The following SLC16A10 variants were observed in gnomAD, a reference collection of about 807,000 sequenced individuals.
SLC16A10 encodes the protein monocarboxylate transporter 10.
A neutral mutation model predicts 40.0 loss-of-function variants in SLC16A10; 27 were observed. The ratio of observed to expected loss-of-function variants is 0.67; its 90% CI spans 0.50 to 0.93. The LOEUF is 0.93. SLC16A10 is among the 40% of genes least tolerant of loss of function. SLC16A10 has a pLI of 0.00. For synonymous variants in SLC16A10, 213 were observed against 249.8 expected (o/e 0.85, Z 1.39); for missense variants, 529 against 658.2 (o/e 0.80, Z 2.15).
chr6:111,170,880 G>A (rs776445317), intron 1 of SLC16A10, among the ~76,000 whole-genome samples: 2 of 152,138 alleles, frequency 1.3e-5, no homozygotes, highest in African/African-American at 2.4e-5. Flanking sequence ...ACTCATGCCT[G>A]TAATGCCAGC....
intron 1 of SLC16A10, among the ~76,000 whole-genome samples, chr6:111,100,069 G>A (rs901181429): frequency 6.6e-6 from 1 of 151,230 alleles, no homozygotes; most frequent in African/African-American, 2.4e-5. Flanking sequence ...AGACAAAGCA[G>A]GGGAAGGAAA....
At chr6:111,095,228 T>C (rs1006548556) in intron 1 of SLC16A10, among the ~76,000 whole-genome samples, 11 of 152,194 alleles carry the variant, frequency 7.2e-5, no homozygotes, top group African/African-American at 2.7e-4. Flanking sequence ...GTCTTGCTGC[T>C]TTTTGCCTCT....
intron 1 of SLC16A10, among the ~76,000 whole-genome samples, chr6:111,143,470 A>G (rs1772020902): frequency 6.6e-6 from 1 of 152,098 alleles, no homozygotes; most frequent in Admixed American, 6.5e-5. Context: ...CTGTGGCCTC[A>G]AGATCCTGGG....
chr6:111,160,411 G>C (rs1406296950), intron 1 of SLC16A10, among the ~76,000 whole-genome samples: 2 of 152,118 alleles, frequency 1.3e-5, no homozygotes, highest in African/African-American at 4.8e-5. Flanking sequence ...GCTAATTTTT[G>C]TATTTTTTTA....
At chr6:111,160,681 T>C (rs1010767815) in intron 1 of SLC16A10, among the ~76,000 whole-genome samples, 7 of 152,158 alleles carry the variant, frequency 4.6e-5, no homozygotes, top group Non-Finnish European at 8.8e-5. Context: ...CAATTTGAAG[T>C]GTAAGGATGG....
At chr6:111,097,200 C>T (rs1771089120) in intron 1 of SLC16A10, among the ~76,000 whole-genome samples, 2 of 152,172 alleles carry the variant, frequency 1.3e-5, no homozygotes, top group Non-Finnish European at 2.9e-5. Context: ...TTTTGTTGCA[C>T]ACATCCAAGT....
intron 1 of SLC16A10, among the ~76,000 whole-genome samples, chr6:111,155,535 A>G (rs1247182095): frequency 2.0e-5 from 3 of 152,124 alleles, no homozygotes; most frequent in Non-Finnish European, 2.9e-5. Flanking sequence ...CGAAGAAGTG[A>G]TTTCCTCTCA....
At chr6:111,091,037 T>C (rs1462723042) in intron 1 of SLC16A10, among the ~76,000 whole-genome samples, 1 of 152,220 alleles carries the variant, frequency 6.6e-6, no homozygotes, top group African/African-American at 2.4e-5. Context: ...CTAAGCACTT[T>C]AGATGCGTTC....
chr6:111,130,792 T>A (rs182589990), intron 1 of SLC16A10, among the ~76,000 whole-genome samples: 87 of 152,346 alleles, frequency 5.7e-4, no homozygotes, highest in Non-Finnish European at 7.2e-4. Flanking sequence ...TAATGTTTTT[T>A]AAATAGACAT....
intron 3 of SLC16A10, among the ~76,000 whole-genome samples, chr6:111,195,261 A>G (rs890670924): frequency 1.3e-5 from 2 of 152,184 alleles, no homozygotes; most frequent in East Asian, 1.9e-4. Context: ...CATTACACCA[A>G]ATGAAATACT....
chr6:111,171,956 T>C (rs1772594137), intron 1 of SLC16A10, among the ~76,000 whole-genome samples: 1 of 152,128 alleles, frequency 6.6e-6, no homozygotes, highest in African/African-American at 2.4e-5. Flanking sequence ...TAGAGTAGTA[T>C]ACTAGGAGAC....
chr6:111,090,610 C>T (rs1770957767), intron 1 of SLC16A10, among the ~76,000 whole-genome samples: 1 of 152,144 alleles, frequency 6.6e-6, no homozygotes. Flanking sequence ...CTGTCCCCTA[C>T]CCCTTTCTCT....
At chr6:111,210,302 A>AGTCTG (rs1347797597) in intron 4 of SLC16A10, among the ~76,000 whole-genome samples, 1 of 152,222 alleles carries the variant, frequency 6.6e-6, no homozygotes, top group East Asian at 1.9e-4. Context: ...AGGTCCAGGC[A>AGTCTG]GTCACAGGAC....
intron 1 of SLC16A10, among the ~76,000 whole-genome samples, chr6:111,105,912 T>C (rs1461062767): frequency 6.6e-6 from 1 of 152,220 alleles, no homozygotes; most frequent in Non-Finnish European, 1.5e-5. Flanking sequence ...TGTGTAAGAA[T>C]AGATATCTGC....
At chr6:111,160,275 G>A (rs1365453454) in intron 1 of SLC16A10, among the ~76,000 whole-genome samples, 2 of 152,184 alleles carry the variant, frequency 1.3e-5, no homozygotes, top group Non-Finnish European at 2.9e-5. Context: ...GTCTCACTCT[G>A]TTGCCCAGGC....
chr6:111,118,811 C>G (rs764490852), intron 1 of SLC16A10, among the ~76,000 whole-genome samples: 1 of 151,288 alleles, frequency 6.6e-6, no homozygotes, highest in Non-Finnish European at 1.5e-5. Flanking sequence ...ACTTGCCTTT[C>G]CTGCCACACA....
chr6:111,200,406 G>A (rs1459255617), intron 3 of SLC16A10, among the ~76,000 whole-genome samples: 2 of 152,174 alleles, frequency 1.3e-5, no homozygotes, highest in Non-Finnish European at 2.9e-5. Context: ...GTTTTCTGGT[G>A]TAAAGGGATT....
intron 1 of SLC16A10, among the ~76,000 whole-genome samples, chr6:111,146,244 G>C (rs1218769600): frequency 6.6e-6 from 1 of 152,158 alleles, no homozygotes; most frequent in African/African-American, 2.4e-5. Context: ...AATGCAAATA[G>C]AAGTCACACC....
At chr6:111,141,785 A>G (rs996495272) in intron 1 of SLC16A10, among the ~76,000 whole-genome samples, 1 of 152,276 alleles carries the variant, frequency 6.6e-6, no homozygotes, top group Admixed American at 6.5e-5. Context: ...TAAAGCTCTG[A>G]TGAAAGAAAT....
Sources: gnomAD v4.1 joint callset for allele counts (sites outside exome capture counted in the v4.1 genomes callset) on GRCh38, gnomAD v4.1.1 for gene constraint, MANE v1.5 for transcripts, NCBI Gene and HGNC (gene_info 2026-07-23, HGNC 2026-07-21) for gene names.